The following TSEN2 variants were observed in gnomAD, a reference collection of about 807,000 sequenced individuals.
The protein encoded by TSEN2 is tRNA splicing endonuclease subunit 2.
TSEN2 carries 54 observed loss-of-function variants against 59.2 expected under a neutral mutation model. The observed-to-expected ratio is 0.91, with a 90% CI of 0.73 to 1.14. The LOEUF (loss-of-function observed/expected upper bound fraction) is 1.14. Among genes scored for constraint, TSEN2 ranks in the 50% most tolerant of loss-of-function variants. The probability of loss-of-function intolerance (pLI) is 0.00; values close to 1 mark genes in which losing one functional copy is unlikely to be tolerated. For missense variants in TSEN2, 636 were observed against 576.2 expected (o/e 1.10, Z -1.06); for synonymous variants, 195 against 198.2 (o/e 0.98, Z 0.14).
At chr3:12,493,342 C>A (rs1178448630) in intron 3 of TSEN2, among the ~76,000 whole-genome samples, 5 of 152,196 alleles carry the variant, frequency 3.3e-5, no homozygotes, top group Non-Finnish European at 1.5e-5. Context: ...ACTAGCTAAA[C>A]TATTTTCCAC....
chr3:12,484,202 A>T (rs2124850346), upstream of TSEN2, among the ~76,000 whole-genome samples: 1 of 152,292 alleles, frequency 6.6e-6, no homozygotes, highest in South Asian at 2.1e-4. Context: ...CCCACCTCCC[A>T]CGTGACTATG....
chr3:12,505,213 G>T lies in TSEN2; in HGVS notation c.891G>T (p.Leu297Phe). The change falls in exon 6 of 12, where the codon TTG (leucine) becomes TTT (phenylalanine). Residue 297 changes from leucine (L) to phenylalanine (F), a missense_variant. Coordinates refer to ENST00000284995, the MANE Select transcript of TSEN2 (RefSeq NM_025265.4). The part of the protein sequence containing the change: ...RRNPYRIFEY[L>F]QLSLEEAFFL... The stretch of plus-strand genomic sequence containing the variant: ...ATCCATATAGGATCTTTGAGTATTT[G>T]CAACTCAGCCTAGAAGAGGTATGTT... 6.2e-7 allele frequency: 1 copy of T among 1,610,846 alleles called. No homozygotes were observed. The highest frequency in any genetic ancestry group is 1.1e-5 in the South Asian group (1 of 91,010).
intron 7 of TSEN2, among the ~76,000 whole-genome samples, chr3:12,517,083 C>T (rs925802956): frequency 3.3e-5 from 5 of 152,188 alleles, no homozygotes; most frequent in East Asian, 1.9e-4. Context: ...CCCGGTGGCT[C>T]ACGCCTGTAA....
At chr3:12,526,659 G>A (rs1457738333) in intron 8 of TSEN2, among the ~76,000 whole-genome samples, 1 of 152,200 alleles carries the variant, frequency 6.6e-6, no homozygotes, top group African/African-American at 2.4e-5. Context: ...GATGCTTACT[G>A]TATGCCATAC....
chr3:12,535,228 A>G (rs2057647301), downstream of TSEN2, among the ~76,000 whole-genome samples: 1 of 152,150 alleles, frequency 6.6e-6, no homozygotes, highest in African/African-American at 2.4e-5. Flanking sequence ...TACTAACTGA[A>G]TTGAATTTTT....
chr3:12,503,759 A>T lies in TSEN2; in HGVS notation c.806A>T (p.Glu269Val), dbSNP rs763620979. 15 of 1,613,972 alleles carry T rather than the reference A, an allele frequency of 9.3e-6. No individual in the cohort carries two copies. In the South Asian group the frequency reaches 1.5e-4, roughly 17 times the overall value. Reference protein sequence around the residue: ...LVEEAECAMSEREAAPNEELV... With the variant: ...LVEEAECAMSVREAAPNEELV... Reference sequence around the variant, plus strand: ...GAGGAAGCGGAGTGTGCCATGAGCGAGAGGGAGGCTGCCCCAAATGAGGAA... The same window carrying T: ...GAGGAAGCGGAGTGTGCCATGAGCGTGAGGGAGGCTGCCCCAAATGAGGAA... Residue 269 changes from glutamate to valine, a missense_variant, in exon 5 of 12, where the codon GAG (glutamate) becomes GTG (valine). By Grantham distance (121) the Glu-to-Val change is moderately radical. Coordinates refer to ENST00000284995, the MANE Select transcript of TSEN2 (RefSeq NM_025265.4).
At chr3:12,480,741 C>T (rs12492318), upstream of TSEN2, among the ~76,000 whole-genome samples, 2,426 of 151,874 alleles carry the variant, frequency 0.016, 36 homozygotes, top group South Asian at 0.06. Context: ...GCCATGTTGG[C>T]CAGGCTGGTC....
intron 7 of TSEN2, among the ~76,000 whole-genome samples, chr3:12,517,382 A>G (rs952523218): frequency 3.3e-5 from 5 of 149,586 alleles, no homozygotes; most frequent in African/African-American, 1.2e-4. Context: ...GAATTTGCAG[A>G]TAAGGTAACT....
intron 6 of TSEN2, chr3:12,511,326 G>A (rs1347840837): frequency 1.3e-5 from 2 of 152,020 alleles, no homozygotes; most frequent in East Asian, 3.9e-4. Flanking sequence ...ATATAGTCTT[G>A]GTATAGGAAA....
Position 12,503,692 on chromosome 3 carries a change from C to G in TSEN2, c.739C>G (p.His247Asp). 6.2e-7 allele frequency: 1 copy of G among 1,612,170 alleles called. No homozygotes were observed. Among genetic ancestry groups the G allele is most frequent in the Non-Finnish European group, 8.5e-7 (1 of 1,179,116 alleles). ...EDGSQHIGLL[H>D]PGDRGPDHEY... is the part of the protein sequence containing the mutation. ...CGGCAGCCAGCACATCGGCCTCCTGCATCCTGGGGACAGAGGGCCTGACCA... is the reference window on the plus strand; with the variant it reads ...CGGCAGCCAGCACATCGGCCTCCTGGATCCTGGGGACAGAGGGCCTGACCA... The change falls in exon 5 of 12, where the codon CAT becomes GAT. Residue 247 changes from histidine (H) to aspartate (D), a missense_variant. Physicochemically the swap from His to Asp is moderately conservative, Grantham distance 81. Transcript: ENST00000284995.
chr3:12,528,749 G>T, intron 8 of TSEN2, 139 bp from the exon 9 acceptor site: 1 of 837,792 alleles, frequency 1.2e-6, no homozygotes, highest in South Asian at 1.5e-5. Context: ...TATTGCAGAT[G>T]ATCTGTCTAC....
rs199922542 is a variant in TSEN2 at position 12,532,699 on chromosome 3, G to A, written c.1376G>A (p.Arg459Lys). The A allele has an allele frequency of 6.2e-7, 1 of 1,614,136 alleles. No homozygotes were observed. Among genetic ancestry groups the A allele is most frequent in the African/African-American group, 1.3e-5 (1 of 75,030 alleles). ...AGTCGATGGGTTTCTTCACGAGAGA[G>A]GAGTGACCAAGACGATCTTTAACAA... is the stretch of plus-strand genomic sequence containing the variant. ...ILSRWVSSRE[R>K]SDQDDL Residue 459 changes from arginine (R) to lysine (K), a missense_variant, in exon 12 of 12, where the codon AGG becomes AAG. Physicochemically the swap from Arg to Lys is conservative, Grantham distance 26. Transcript: ENST00000284995.
At chr3:12,500,403 A>G (rs183431842) in intron 4 of TSEN2, among the ~76,000 whole-genome samples, 5 of 152,114 alleles carry the variant, frequency 3.3e-5, no homozygotes, top group Admixed American at 3.3e-4. Flanking sequence ...AGACCCTGAA[A>G]AGGGAACACA....
intron 1 of TSEN2, 43 bp downstream of exon 1, chr3:12,484,923 T>C (rs1485731110): frequency 3.3e-5 from 5 of 152,166 alleles, no homozygotes; most frequent in Non-Finnish European, 7.3e-5. Context: ...CTAACGCTGT[T>C]GGGGTGCGCA....
In TSEN2 at chr3:12,492,120, T is replaced by G. The variant is rs1403559951; in HGVS notation, c.190-16T>G. ...AACTAAGCATGAACTAACTTCATTT[T>G]CTCTCTTCCTGGAAGGGTTATTTTG... On this transcript the variant is annotated splice_polypyrimidine_tract_variant and intron_variant, in intron 2 of 11. Coordinates refer to ENST00000284995, the MANE Select transcript of TSEN2 (RefSeq NM_025265.4). The G allele has an allele frequency of 2.5e-6, 4 of 1,611,070 alleles. No individual in the cohort carries two copies. Among genetic ancestry groups the G allele is most frequent in the Non-Finnish European group, 3.4e-6 (4 of 1,177,346 alleles).
intron 6 of TSEN2, chr3:12,511,285 G>A (rs1232524442): frequency 6.6e-6 from 1 of 152,100 alleles, no homozygotes; most frequent in African/African-American, 2.4e-5. Flanking sequence ...TACTGCAGCT[G>A]TTAATAAAAC....
intron 2 of TSEN2, 81 bp downstream of exon 2, chr3:12,490,070 AC>A: frequency 8.0e-7 from 1 of 1,252,552 alleles, no homozygotes; most frequent in Non-Finnish European, 1.2e-6. Context: ...TCCCAGCCAT[AC>A]CCCCACACCA....
chr3:12,528,832 C>T, intron 8 of TSEN2, 56 bp from the exon 9 acceptor site: 5 of 1,586,908 alleles, frequency 3.2e-6, no homozygotes, highest in Non-Finnish European at 4.3e-6. Flanking sequence ...TTGAGTCTTA[C>T]TCCTCTCTCA....
intron 8 of TSEN2, among the ~76,000 whole-genome samples, chr3:12,522,876 C>G (rs932049185): frequency 1.3e-5 from 2 of 152,156 alleles, no homozygotes; most frequent in Non-Finnish European, 2.9e-5. Flanking sequence ...CAAGAGGGAG[C>G]CTTTCCTTAC....
Sources: gnomAD v4.1 joint callset for allele counts (sites outside exome capture counted in the v4.1 genomes callset) on GRCh38, gnomAD v4.1.1 for gene constraint, MANE v1.5 for transcripts, NCBI Gene and HGNC (gene_info 2026-07-23, HGNC 2026-07-21) for gene names.